The following RUNDC3B variants were observed in gnomAD, a reference collection of about 807,000 sequenced individuals.
RUNDC3B encodes the protein RUN domain containing 3B.
In RUNDC3B, 33 loss-of-function variants were observed where a neutral mutation model predicts 58.4. The observed-to-expected ratio is 0.56, with a 90% CI of 0.43 to 0.75. The LOEUF is 0.75. Among genes scored for constraint, RUNDC3B ranks in the 30% least tolerant of loss-of-function variants. The pLI is 0.00. For missense variants in RUNDC3B, 501 were observed against 535.7 expected (o/e 0.94, Z 0.64); for synonymous variants, 193 against 195.2 (o/e 0.99, Z 0.10).
rs145328067 is a variant in RUNDC3B, at chr7:87,646,120, T to A, written c.123-4702T>A. Among the ~76,000 whole-genome samples, 375 of 152,330 alleles carry A rather than the reference T, an allele frequency of 2.5e-3. 5 individuals carry two copies. The highest frequency in any genetic ancestry group is 0.017 in the Middle Eastern group (5 of 294). On this transcript the variant is annotated intron_variant, in intron 1 of 10. Coordinates refer to ENST00000394654, the MANE Select transcript of RUNDC3B (RefSeq NM_001134405.2). Reference sequence around the variant, plus strand: ...AGCTGTTGAGTTTAAAGTAATTTAGTGCTCTGATATTTGACATTTTATGTT... The same window carrying A: ...AGCTGTTGAGTTTAAAGTAATTTAGAGCTCTGATATTTGACATTTTATGTT...
At chr7:87,661,370 T>A (rs1468039719) in intron 2 of RUNDC3B, among the ~76,000 whole-genome samples, 1 of 151,986 alleles carries the variant, frequency 6.6e-6, no homozygotes, top group East Asian at 1.9e-4. Flanking sequence ...TCTATCTAAC[T>A]ACATTTTTGT....
chr7:87,753,488 G>A (rs187913935), intron 6 of RUNDC3B, among the ~76,000 whole-genome samples: 166 of 152,168 alleles, frequency 1.1e-3, no homozygotes, highest in African/African-American at 3.8e-3. Flanking sequence ...AAAATCTCCC[G>A]TTATTAATGT....
Position 87,698,346 on chromosome 7 carries a change from G to A in RUNDC3B, c.239-2075G>A, listed in dbSNP as rs6951473. 4.9e-3 allele frequency among the ~76,000 whole-genome samples: 750 copies of A among 152,114 alleles called. 2 individuals are homozygous for A. The highest frequency in any genetic ancestry group is 9.1e-3 in the Non-Finnish European group (617 of 68,006). On this transcript the variant is annotated intron_variant, in intron 2 of 10. Coordinates refer to ENST00000394654, the MANE Select transcript of RUNDC3B (RefSeq NM_001134405.2). ...CCTGACCACATGATCCTCCCACCTC[G>A]GCCTCCCAAAGTGCTGGGATTACAG...
At chr7:87,693,964 C>T in intron 2 of RUNDC3B, 1 of 1,611,554 alleles carries the variant, frequency 6.2e-7, no homozygotes, top group Non-Finnish European at 8.5e-7. Context: ...TCAAGGTACT[C>T]TATGCTGGTG....
intron 2 of RUNDC3B, among the ~76,000 whole-genome samples, chr7:87,660,839 CTT>C (rs900124316): frequency 5.9e-5 from 9 of 151,820 alleles, no homozygotes; most frequent in African/African-American, 2.2e-4. Context: ...ATTTGGAAGT[CTT>C]TTTATGTTTC....
At position 87,650,818 on chromosome 7, in the gene RUNDC3B, A is replaced by G. The variant is rs878871096; in HGVS notation, c.123-4A>G. ...TAAAAGCAACAATAATCTTTTTTTC[A>G]TAGGTTTTCTGTGAAGACCCTGATT... On this transcript the variant is annotated splice_region_variant and splice_polypyrimidine_tract_variant and intron_variant, in intron 1 of 10. Transcript: ENST00000394654. 7.0e-6 allele frequency: 11 copies of G among 1,568,360 alleles called. No individual in the cohort carries two copies. The highest frequency in any genetic ancestry group is 1.4e-5 in the African/African-American group (1 of 73,992).
chr7:87,698,504 G>GTGC (rs1828710515), intron 2 of RUNDC3B, among the ~76,000 whole-genome samples: 3 of 152,160 alleles, frequency 2.0e-5, no homozygotes, highest in Non-Finnish European at 2.9e-5. Context: ...CAAAATATTT[G>GTGC]ATGTTTGTAA....
intron 8 of RUNDC3B, among the ~76,000 whole-genome samples, chr7:87,785,243 C>A (rs1037596853): frequency 6.6e-6 from 1 of 152,008 alleles, no homozygotes; most frequent in African/African-American, 2.4e-5. Flanking sequence ...GTGTTCCAGG[C>A]CATGGGGCTC....
intron 8 of RUNDC3B, among the ~76,000 whole-genome samples, chr7:87,786,753 T>G (rs1726355749): frequency 6.6e-6 from 1 of 152,146 alleles, no homozygotes; most frequent in Non-Finnish European, 1.5e-5. Flanking sequence ...CACATTTATC[T>G]TACTTTGGAT....
chr7:87,822,690 A>C (rs946166711), intron 10 of RUNDC3B, among the ~76,000 whole-genome samples: 8 of 152,354 alleles, frequency 5.3e-5, no homozygotes, highest in East Asian at 1.9e-4. Context: ...CATATACACC[A>C]TGGAATACTA....
chr7:87,688,154 G>C (rs146119078), intron 2 of RUNDC3B, among the ~76,000 whole-genome samples: 1 of 152,182 alleles, frequency 6.6e-6, no homozygotes, highest in East Asian at 1.9e-4. Flanking sequence ...GGAAATTCAG[G>C]AAAGGTGAAG....
intron 8 of RUNDC3B, among the ~76,000 whole-genome samples, chr7:87,799,139 C>G (rs1835983421): frequency 6.6e-6 from 1 of 152,174 alleles, no homozygotes; most frequent in Non-Finnish European, 1.5e-5. Flanking sequence ...TGTAACTTCT[C>G]TGATATTGTT....
At chr7:87,641,249 G>C (rs1254194258) in intron 1 of RUNDC3B, among the ~76,000 whole-genome samples, 3 of 152,122 alleles carry the variant, frequency 2.0e-5, no homozygotes, top group Non-Finnish European at 4.4e-5. Context: ...GTAAACAGAT[G>C]GAATGCACCA....
chr7:87,816,391 A>G, intron 10 of RUNDC3B, 129 bp downstream of exon 10: 4 of 666,508 alleles, frequency 6.0e-6, no homozygotes, highest in Non-Finnish European at 2.4e-6. Context: ...AGCCATTATG[A>G]TTAAAAATGG....
intron 2 of RUNDC3B, among the ~76,000 whole-genome samples, chr7:87,670,753 T>C (rs1585054317): frequency 6.6e-6 from 1 of 152,200 alleles, no homozygotes; most frequent in East Asian, 1.9e-4. Context: ...TGAGGTATTT[T>C]TGATGTTAAA....
In RUNDC3B at chr7:87,797,647, T is replaced by C. The variant is rs192073300; in HGVS notation, c.957-9726T>C. On this transcript the variant is annotated intron_variant, in intron 8 of 10. Coordinates refer to ENST00000394654, the MANE Select transcript of RUNDC3B (RefSeq NM_001134405.2). Reference sequence around the variant, plus strand: ...TTCATACTTATTGTCTGGAATTAACTATAAAGAAGAACTTTCCCTCGTCAG... The same window carrying C: ...TTCATACTTATTGTCTGGAATTAACCATAAAGAAGAACTTTCCCTCGTCAG... Among the ~76,000 whole-genome samples, 51 of 152,344 alleles carry C rather than the reference T, an allele frequency of 3.3e-4. No homozygotes were observed. The East Asian group carries it at 9.2e-3, about 28-fold the overall frequency.
intron 2 of RUNDC3B, among the ~76,000 whole-genome samples, chr7:87,657,627 C>G (rs1824241030): frequency 6.6e-6 from 1 of 152,118 alleles, no homozygotes; most frequent in Non-Finnish European, 1.5e-5. Context: ...CACTGTGGAG[C>G]CTAGGCTGCC....
intron 3 of RUNDC3B, among the ~76,000 whole-genome samples, chr7:87,710,257 G>A (rs751754806): frequency 2.0e-5 from 3 of 152,076 alleles, no homozygotes; most frequent in Admixed American, 6.6e-5. Context: ...GAAGTAGAGA[G>A]TTATATCTTA....
chr7:87,769,293 G>T (rs930362065), intron 6 of RUNDC3B, among the ~76,000 whole-genome samples: 1 of 152,044 alleles, frequency 6.6e-6, no homozygotes, highest in Admixed American at 6.6e-5. Context: ...TTACAGGAAT[G>T]AGCTAATATG....
Sources: gnomAD v4.1 joint callset for allele counts (sites outside exome capture counted in the v4.1 genomes callset) on GRCh38, gnomAD v4.1.1 for gene constraint, MANE v1.5 for transcripts, NCBI Gene and HGNC (gene_info 2026-07-23, HGNC 2026-07-21) for gene names.